Variants in SCYL3 observed in about 807,000 individuals in gnomAD.
SCYL3 encodes SCY1 like pseudokinase 3, also known as protein-associating with the carboxyl-terminal domain of ezrin.
A neutral mutation model predicts 73.8 loss-of-function variants in SCYL3; 35 were observed. The ratio of observed to expected loss-of-function variants is 0.47; its 90% CI spans 0.36 to 0.63. SCYL3 has a LOEUF of 0.63. Ranked by LOEUF, SCYL3 falls within the 20% of genes least tolerant of loss-of-function variation. The pLI, the probability that SCYL3 is intolerant of heterozygous loss-of-function variation, is 0.00. For synonymous variants in SCYL3, 277 were observed against 295.2 expected, an observed-to-expected ratio of 0.94 and a Z score of 0.63; for missense variants, 712 against 798.9, an observed-to-expected ratio of 0.89 and a Z score of 1.31.
Position 169,852,928 on chromosome 1 carries a change from A to G in SCYL3, c.*785T>C. 6.2e-7 allele frequency: 1 copy of G among 1,614,200 alleles called. No individual in the cohort carries two copies. The highest frequency in any genetic ancestry group is 8.5e-7 in the Non-Finnish European group (1 of 1,180,010). Reference sequence around the variant, plus strand: ...TGCTCCAGCCTGGCTTTCAATGGAAATGGAGGCGCTCCAAGAAAGGATGGA... The same window carrying G: ...TGCTCCAGCCTGGCTTTCAATGGAAGTGGAGGCGCTCCAAGAAAGGATGGA... On this transcript the variant is annotated 3_prime_UTR_variant, in exon 13 of 13. Coordinates refer to ENST00000367771, the MANE Select transcript of SCYL3 (RefSeq NM_020423.7).
intron 2 of SCYL3, among the ~76,000 whole-genome samples, chr1:169,880,763 T>A (rs908418905): frequency 2.2e-5 from 1 of 45,598 alleles, no homozygotes; most frequent in Admixed American, 2.6e-4. Flanking sequence ...TGAAGGCCAC[T>A]TTTTTTTTTT....
At chr1:169,866,846 T>C (rs1044047786) in intron 8 of SCYL3, 50 bp downstream of exon 8, 2 of 1,010,072 alleles carry the variant, frequency 2.0e-6, no homozygotes, top group African/African-American at 3.2e-5. Context: ...AGTGATTATA[T>C]GGACTTAATC....
chr1:169,855,058 G>T, intron 11 of SCYL3, 94 bp from the exon 12 acceptor site: 2 of 872,900 alleles, frequency 2.3e-6, no homozygotes, highest in Non-Finnish European at 3.4e-6. Context: ...AGTAGTATAG[G>T]TCTAATTACT....
At chr1:169,880,022 C>T (rs188155838) in intron 2 of SCYL3, among the ~76,000 whole-genome samples, 2 of 152,218 alleles carry the variant, frequency 1.3e-5, no homozygotes, top group East Asian at 3.9e-4. Flanking sequence ...AATCCCAGCA[C>T]TTTGGGAGGC....
In SCYL3 at chr1:169,852,819, C is replaced by G; in HGVS notation, c.*894G>C. ...ATGCAAAAAGAGCTCGTCAGGAGTT[C>G]CCCTGGGAAGAAGAGTACAGGTCAG... On this transcript the variant is annotated 3_prime_UTR_variant, in exon 13 of 13. Coordinates refer to ENST00000367771, the MANE Select transcript of SCYL3 (RefSeq NM_020423.7). 6.2e-7 allele frequency: 1 copy of G among 1,613,966 alleles called. No individual in the cohort carries two copies. The highest frequency in any genetic ancestry group is 1.1e-5 in the South Asian group (1 of 91,058).
chr1:169,863,048 G>GATTAC (rs1659780171), intron 9 of SCYL3, among the ~76,000 whole-genome samples: 1 of 151,990 alleles, frequency 6.6e-6, no homozygotes, highest in Non-Finnish European at 1.5e-5. Flanking sequence ...GAGTAGCTGG[G>GATTAC]ATTACAGGCA....
chr1:169,890,976 G>C (rs1443938744), intron 1 of SCYL3, among the ~76,000 whole-genome samples: 1 of 152,210 alleles, frequency 6.6e-6, no homozygotes, highest in Non-Finnish European at 1.5e-5. Context: ...CTTAGCACTT[G>C]ATCTTGCCAC....
At chr1:169,891,448 T>C (rs1011947121) in intron 1 of SCYL3, among the ~76,000 whole-genome samples, 2 of 152,174 alleles carry the variant, frequency 1.3e-5, no homozygotes, top group African/African-American at 2.4e-5. Context: ...TTGAAACTAA[T>C]TGCCATTTCA....
intron 11 of SCYL3, chr1:169,856,048 G>A (rs947733331): frequency 7.0e-6 from 8 of 1,138,492 alleles, no homozygotes; most frequent in Middle Eastern, 2.0e-4. Flanking sequence ...TAAGTGAAAT[G>A]GGTATATTTT....
At chr1:169,883,630 G>C (rs924602027) in intron 2 of SCYL3, among the ~76,000 whole-genome samples, 6 of 151,554 alleles carry the variant, frequency 4.0e-5, no homozygotes, top group African/African-American at 1.2e-4. Flanking sequence ...TATAATTTTT[G>C]TATCAGATGC....
At position 169,888,716 on chromosome 1, in the gene SCYL3, T is replaced by C. The variant is rs1456363657; in HGVS notation, c.125A>G (p.Tyr42Cys). The C allele has an allele frequency of 3.7e-6, 6 of 1,614,018 alleles. No individual in the cohort carries two copies. The African/African-American group carries it at 4.0e-5, about 11-fold the overall frequency. Residue 42 changes from tyrosine (Y) to cysteine (C), a missense_variant, in exon 2 of 13, where the codon TAT (tyrosine) becomes TGT (cysteine). Tyr to Cys is a radical substitution (Grantham distance 194). This residue lies in a region of SCYL3 where 342 missense variants were observed against 448.1 expected (regional missense o/e 0.76). Transcript: ENST00000367771. ...AACCTTGTCTTCATTTTCTCTCTTATACACAAAAACTGAAGCAAATTTGCC... is the reference window on the plus strand; with the variant it reads ...AACCTTGTCTTCATTTTCTCTCTTACACACAAAAACTGAAGCAAATTTGCC... ...QDGKFASVFV[Y>C]KRENEDKVNK... is the part of the protein sequence containing the mutation.
chr1:169,870,568 GTTAGAAT>G (rs758037617), intron 5 of SCYL3, among the ~76,000 whole-genome samples: 23 of 152,240 alleles, frequency 1.5e-4, no homozygotes, highest in Non-Finnish European at 3.2e-4. Context: ...TTTTAAAAAG[GTTAGAAT>G]ATGGCACATG....
At position 169,864,269 on chromosome 1, in the gene SCYL3, A is replaced by T. The variant is rs1659869735; in HGVS notation, c.955+100T>A. 4 of 1,492,124 alleles carry T rather than the reference A, an allele frequency of 2.7e-6. No individual in the cohort carries two copies. In the Admixed American group the frequency reaches 7.2e-5, roughly 27 times the overall value. The allele number at this position is 1,492,124 out of a possible 1,614,324, so 92.4% of individuals were successfully genotyped here. A position where few individuals can be genotyped will look rare whatever the true frequency, so the allele number is the denominator to read the frequency against. On this transcript the variant is annotated intron_variant, in intron 9 of 12. Coordinates refer to ENST00000367771, the MANE Select transcript of SCYL3 (RefSeq NM_020423.7). ...ACAATTGTTCTCCGTTTTTAGAACCAAACATTAACTACACCACACAGTAAT... is the reference window on the plus strand; with the variant it reads ...ACAATTGTTCTCCGTTTTTAGAACCTAACATTAACTACACCACACAGTAAT...
intron 2 of SCYL3, among the ~76,000 whole-genome samples, chr1:169,883,358 A>C (rs902422368): frequency 6.6e-6 from 1 of 152,150 alleles, no homozygotes; most frequent in African/African-American, 2.4e-5. Flanking sequence ...AACCAGTACC[A>C]GTCTGCAGCC....
intron 2 of SCYL3, among the ~76,000 whole-genome samples, chr1:169,884,996 G>A (rs960167363): frequency 6.6e-6 from 1 of 152,096 alleles, no homozygotes; most frequent in African/African-American, 2.4e-5. Context: ...ACTTGCTAAG[G>A]GTAACTAGGA....
chr1:169,889,937 G>A (rs192266314), intron 1 of SCYL3, among the ~76,000 whole-genome samples: 76 of 152,260 alleles, frequency 5.0e-4, no homozygotes, highest in Non-Finnish European at 1.0e-3. Context: ...TCAGATTATA[G>A]GTAATTTTAT....
intron 1 of SCYL3, among the ~76,000 whole-genome samples, chr1:169,892,902 C>G (rs1014259327): frequency 1.3e-5 from 2 of 152,204 alleles, no homozygotes; most frequent in African/African-American, 4.8e-5. Context: ...CTTGAAAGTT[C>G]CAAAGATAAT....
Position 169,850,412 on chromosome 1 carries a change from T to A in SCYL3, c.*3301A>T. ...TTTTTTTTTTCCGAAATTATGTAAC[T>A]GTAACCAACCTGAGTGTCTTCTTAG... On this transcript the variant is annotated 3_prime_UTR_variant, in exon 13 of 13. Transcript: ENST00000367771. 1 of 1,082,312 alleles carries A rather than the reference T, an allele frequency of 9.2e-7. No homozygotes were observed. Among genetic ancestry groups the A allele is most frequent in the Non-Finnish European group, 1.4e-6 (1 of 723,388 alleles). The allele number at this position is 1,082,312 out of a possible 1,614,324, so 67.0% of individuals were successfully genotyped here.
intron 11 of SCYL3, 99 bp downstream of exon 11, chr1:169,858,942 A>G (rs1360745797): frequency 1.7e-5 from 17 of 1,018,256 alleles, no homozygotes; most frequent in African/African-American, 3.3e-5. Context: ...ATACTTCTTT[A>G]TATCATTTGA....
Sources: allele counts gnomAD v4.1 joint callset (sites outside exome capture counted in the v4.1 genomes callset), GRCh38; gene constraint gnomAD v4.1.1; regional missense constraint gnomAD v4.1.1; transcripts MANE v1.5; gene names NCBI Gene and HGNC (gene_info 2026-07-23, HGNC 2026-07-21).